ZNF66: variants seen among roughly 807,000 people sequenced by gnomAD.
ZNF66 encodes zinc finger protein 66.
In ZNF66, 32 loss-of-function variants were observed where a neutral mutation model predicts 35.2. That is an observed-to-expected ratio of 0.91 (90% confidence interval 0.69 to 1.22). The LOEUF (loss-of-function observed/expected upper bound fraction) is 1.22, where lower values mean the gene tolerates loss of function less well. ZNF66 is among the 50% of genes most tolerant of loss of function. The pLI, the probability that ZNF66 is intolerant of heterozygous loss-of-function variation, is 0.00. For synonymous variants in ZNF66, 231 were observed against 181.3 expected, an observed-to-expected ratio of 1.27 and a Z score of -2.20; for missense variants, 666 against 543.1, an observed-to-expected ratio of 1.23 and a Z score of -2.25.
intron 3 of ZNF66, among the ~76,000 whole-genome samples, chr19:20,796,439 T>A (rs1423061038): frequency 6.6e-6 from 1 of 152,194 alleles, no homozygotes; most frequent in African/African-American, 2.4e-5. Context: ...AAATAGTTAC[T>A]TATGAATTTA....
chr19:20,802,696 A>G (rs1971460516), intron 3 of ZNF66, among the ~76,000 whole-genome samples: 1 of 152,128 alleles, frequency 6.6e-6, no homozygotes, highest in Non-Finnish European at 1.5e-5. Context: ...CTTCATTAGA[A>G]ATAATTGTTT....
rs1377161946 is a variant in ZNF66 at position 20,805,886 on chromosome 19, CA to C, written c.291del (p.Lys97AsnfsTer2). The C allele has an allele frequency of 1.5e-6, 1 of 652,778 alleles. No individual in the cohort carries two copies. Among genetic ancestry groups the C allele is most frequent in the Non-Finnish European group, 2.8e-6 (1 of 360,576 alleles). The allele number at this position is 652,778 out of a possible 1,614,324, so 40.4% of individuals were successfully genotyped here. A position where few individuals can be genotyped will look rare whatever the true frequency, so the allele number is the denominator to read the frequency against. On this transcript the variant is annotated frameshift_variant, in exon 4 of 4. Transcript: ENST00000344519. LOFTEE classifies it high-confidence loss of function. The part of the protein sequence containing the change: ...WPEQSIKDSF[Q>X]KLILRRHKKC... ...AGAGCAGAGCATAAAAGATTCTTTC[CA>C]AAAACTGATACTGAGAAGGCATAAA...
Position 20,806,885 on chromosome 19 carries a change from G to A in ZNF66, c.1285G>A (p.Glu429Lys), listed in dbSNP as rs756010840. 7.4e-7 allele frequency: 1 copy of A among 1,347,532 alleles called. No individual in the cohort carries two copies. Among genetic ancestry groups the A allele is most frequent in the South Asian group, 1.2e-5 (1 of 85,380 alleles). 83.5% of individuals were successfully genotyped at this position (1,347,532 alleles called of 1,614,324 possible). A position where few individuals can be genotyped will look rare whatever the true frequency, so the allele number is the denominator to read the frequency against. The stretch of plus-strand genomic sequence containing the variant: ...TGGAGAGAAACCCTACAAATGTGAA[G>A]AATGTGGCAAAGCCTTCAGTCGGTC... ...HTGEKPYKCE[E>K]CGKAFSRSSI... The change falls in exon 4 of 4, where the codon GAA (glutamate) becomes AAA (lysine). Residue 429 changes from glutamate to lysine, a missense_variant. Transcript: ENST00000344519.
At position 20,809,828 on chromosome 19, in the gene ZNF66, CAA is replaced by C. The variant is rs2144928421; in HGVS notation, c.*2507_*2508del. Among the ~76,000 whole-genome samples the C allele has an allele frequency of 6.6e-6, 1 of 151,808 alleles. No individual in the cohort carries two copies. Among genetic ancestry groups the C allele is most frequent in the East Asian group, 2.0e-4 (1 of 5,124 alleles). ...ATGACAGCATCAAATTCTCACATAA[CAA>C]TATTAGCTTTAAATGTAAATGGGCT... is the stretch of plus-strand genomic sequence containing the variant. On this transcript the variant is annotated 3_prime_UTR_variant, in exon 4 of 4. Coordinates refer to ENST00000344519, the MANE Select transcript of ZNF66 (RefSeq NM_001355197.2).
rs117531811 is a variant in ZNF66 at position 20,805,813 on chromosome 19, A to G, written c.227-14A>G. The G allele has an allele frequency of 3.7e-3, 2,031 of 553,602 alleles. 3 individuals are homozygous for G. Among genetic ancestry groups the G allele is most frequent in the Non-Finnish European group, 3.9e-3 (1,193 of 306,844 alleles). The allele number at this position is 553,602 out of a possible 1,614,324, so 34.3% of individuals were successfully genotyped here. A position where few individuals can be genotyped will look rare whatever the true frequency, so the allele number is the denominator to read the frequency against. On this transcript the variant is annotated splice_polypyrimidine_tract_variant and intron_variant, in intron 3 of 3. Transcript: ENST00000344519. Reference sequence around the variant, plus strand: ...CTAGCAAGTGAAGTAGTGTGTTTTTATGGTTTCTTTCAGTTTTGTGTTCTC... The same window carrying G: ...CTAGCAAGTGAAGTAGTGTGTTTTTGTGGTTTCTTTCAGTTTTGTGTTCTC...
intron 3 of ZNF66, among the ~76,000 whole-genome samples, chr19:20,798,087 A>G (rs902341661): frequency 2.6e-5 from 4 of 151,954 alleles, no homozygotes; most frequent in Non-Finnish European, 4.4e-5. Context: ...CTTATTTTCC[A>G]TGGTAGTTTT....
Position 20,776,383 on chromosome 19 carries a change from C to G in ZNF66, c.-65C>G. ...TCTCCTAGAGGCCCAGCCTCTGTGG[C>G]CCTGTGTCCTGCAGGTATTGGGAGA... On this transcript the variant is annotated 5_prime_UTR_variant, in exon 1 of 4. Coordinates refer to ENST00000344519, the MANE Select transcript of ZNF66 (RefSeq NM_001355197.2). 6.5e-7 allele frequency: 1 copy of G among 1,530,328 alleles called. No individual in the cohort carries two copies. The highest frequency in any genetic ancestry group is 2.3e-5 in the East Asian group (1 of 44,246). The allele number at this position is 1,530,328 out of a possible 1,614,324, so 94.8% of individuals were successfully genotyped here.
In ZNF66 at chr19:20,807,850, A is replaced by G. The variant is rs1385064627; in HGVS notation, c.*528A>G. 6.6e-6 allele frequency among the ~76,000 whole-genome samples: 1 copy of G among 152,182 alleles called. No homozygotes were observed. Among genetic ancestry groups the G allele is most frequent in the African/African-American group, 2.4e-5 (1 of 41,456 alleles). ...CAGGTTCATCTCACTAGGGAGTGCC[A>G]GACAGTGGCTGCAGGACAGTGGGTG... On this transcript the variant is annotated 3_prime_UTR_variant, in exon 4 of 4. Transcript: ENST00000344519.
At chr19:20,781,645 A>G (rs186637473) in intron 1 of ZNF66, among the ~76,000 whole-genome samples, 28 of 151,730 alleles carry the variant, frequency 1.8e-4, no homozygotes, top group East Asian at 1.4e-3. Flanking sequence ...AGTAGCTGGG[A>G]TTACAGGTGC....
intron 2 of ZNF66, among the ~76,000 whole-genome samples, chr19:20,793,322 CTTTTCTTTTCTTTTT>C (rs972465246): frequency 3.2e-5 from 2 of 63,406 alleles, no homozygotes; most frequent in African/African-American, 5.6e-5. Flanking sequence ...CTTTTCTTTT[CTTTTCTTTTCTTTTT>C]TTTTTTTTTT....
At chr19:20,792,178 T>C (rs1043507662) in intron 1 of ZNF66, among the ~76,000 whole-genome samples, 16 of 149,986 alleles carry the variant, frequency 1.1e-4, no homozygotes, top group Admixed American at 6.0e-4. Context: ...TATTAAAACA[T>C]GCCTTTTTCA....
intron 1 of ZNF66, among the ~76,000 whole-genome samples, chr19:20,783,001 T>A (rs1971258051): frequency 6.6e-6 from 1 of 152,166 alleles, no homozygotes; most frequent in African/African-American, 2.4e-5. Flanking sequence ...ATTTAAGTGT[T>A]TAATTTATCT....
chr19:20,796,430 A>G (rs945125494), intron 3 of ZNF66, among the ~76,000 whole-genome samples: 1 of 152,176 alleles, frequency 6.6e-6, no homozygotes, highest in Non-Finnish European at 1.5e-5. Context: ...ATATTACTAA[A>G]ATAGTTACTT....
At position 20,806,325 on chromosome 19, in the gene ZNF66, C is replaced by T. The variant is rs1971508128; in HGVS notation, c.725C>T (p.Ser242Phe). Reference protein sequence around the residue: ...EDCGKAFNRSSNLTTHKKIHT... With the variant: ...EDCGKAFNRSFNLTTHKKIHT... ...TGTGGCAAAGCCTTTAACCGCTCCT[C>T]TAACCTTACTACACATAAGAAAATT... The change falls in exon 4 of 4, where the codon TCT becomes TTT. Residue 242 changes from serine (S) to phenylalanine (F), a missense_variant. By Grantham distance (155) the Ser-to-Phe change is radical. Transcript: ENST00000344519. The T allele has an allele frequency of 6.5e-7, 1 of 1,531,588 alleles. No homozygotes were observed. Among genetic ancestry groups the T allele is most frequent in the East Asian group, 2.3e-5 (1 of 44,418 alleles). The allele number at this position is 1,531,588 out of a possible 1,614,324, so 94.9% of individuals were successfully genotyped here.
At chr19:20,791,313 C>T (rs1446946573) in intron 1 of ZNF66, among the ~76,000 whole-genome samples, 4 of 151,958 alleles carry the variant, frequency 2.6e-5, no homozygotes, top group East Asian at 1.9e-4. Context: ...GGTGGAACCC[C>T]GTCCCTACTA....
intron 3 of ZNF66, among the ~76,000 whole-genome samples, chr19:20,804,889 G>C (rs1971484744): frequency 6.6e-6 from 1 of 152,088 alleles, no homozygotes; most frequent in African/African-American, 2.4e-5. Flanking sequence ...CTTATTCCCT[G>C]TTTGGGGTAG....
intron 3 of ZNF66, among the ~76,000 whole-genome samples, chr19:20,795,605 G>T (rs183806485): frequency 6.3e-4 from 96 of 152,140 alleles, no homozygotes; most frequent in African/African-American, 2.2e-3. Context: ...GACCTCAGGC[G>T]ATCCGCCCGC....
In ZNF66 at chr19:20,792,608, T is replaced by A. The variant is rs771337125; in HGVS notation, c.100T>A (p.Leu34Ile). 1 of 1,471,942 alleles carries A rather than the reference T, an allele frequency of 6.8e-7. No homozygotes were observed. Among genetic ancestry groups the A allele is most frequent in the Admixed American group, 1.7e-5 (1 of 57,582 alleles). The allele number at this position is 1,471,942 out of a possible 1,614,324, so 91.2% of individuals were successfully genotyped here. Reference sequence around the variant, plus strand: ...GCGGAATTTATATAGGGATGTGATGTTAGAGAACTACAGAAACCTGGTCTT... The same window carrying A: ...GCGGAATTTATATAGGGATGTGATGATAGAGAACTACAGAAACCTGGTCTT... ...AQRNLYRDVM[L>I]ENYRNLVFLG... The change falls in exon 2 of 4, where the codon TTA becomes ATA. Residue 34 changes from leucine (L) to isoleucine (I), a missense_variant. Transcript: ENST00000344519.
intron 1 of ZNF66, among the ~76,000 whole-genome samples, chr19:20,791,031 A>G (rs935209173): frequency 1.3e-5 from 2 of 152,208 alleles, no homozygotes; most frequent in Non-Finnish European, 2.9e-5. Context: ...ATGATCTGCA[A>G]TATTAAAAAT....
Sources: gnomAD v4.1 joint callset for allele counts (sites outside exome capture counted in the v4.1 genomes callset) on GRCh38, gnomAD v4.1.1 for gene constraint, MANE v1.5 for transcripts, NCBI Gene and HGNC (gene_info 2026-07-23, HGNC 2026-07-21) for gene names.